Variants in MEF2B observed in about 807,000 individuals in gnomAD.
The protein encoded by MEF2B is myocyte-specific enhancer factor 2B.
A neutral mutation model predicts 32.2 loss-of-function variants in MEF2B; 15 were observed. That is an observed-to-expected ratio of 0.47 (90% CI 0.31 to 0.72). MEF2B has a LOEUF of 0.72. Ranked by LOEUF, MEF2B falls within the 30% of genes least tolerant of loss-of-function variation. The probability of loss-of-function intolerance (pLI) is 0.05; values close to 1 mark genes in which losing one functional copy is unlikely to be tolerated. For synonymous variants in MEF2B, 205 were observed against 225.6 expected (o/e 0.91, Z 0.82); for missense variants, 441 against 511.5 (o/e 0.86, Z 1.33).
At chr19:19,158,210 C>T (rs1347946314) in intron 1 of MEF2B, among the ~76,000 whole-genome samples, 1 of 151,590 alleles carries the variant, frequency 6.6e-6, no homozygotes, top group Non-Finnish European at 1.5e-5. Flanking sequence ...GTCTCAGCCT[C>T]CTAAGTAGCT....
intron 1 of MEF2B, among the ~76,000 whole-genome samples, chr19:19,169,773 A>G (rs2146392108): frequency 6.6e-6 from 1 of 152,212 alleles, no homozygotes; most frequent in Admixed American, 6.5e-5. Flanking sequence ...GCTGTGACAA[A>G]CGAGTGTACA....
chr19:19,146,448 AC>A, intron 7 of MEF2B, 64 bp from the exon 8 acceptor site: 5 of 1,267,690 alleles, frequency 3.9e-6, no homozygotes, highest in Non-Finnish European at 5.3e-6. Context: ...AAACCTAACC[AC>A]CCCCAGTGAC....
At chr19:19,167,341 ACT>A (rs1452240039) in intron 1 of MEF2B, among the ~76,000 whole-genome samples, 1 of 124,666 alleles carries the variant, frequency 8.0e-6, no homozygotes, top group Non-Finnish European at 1.7e-5. Flanking sequence ...ACAGAGTGAG[ACT>A]CTGTCTCAAA....
At chr19:19,161,472 C>T (rs913765300) in intron 1 of MEF2B, among the ~76,000 whole-genome samples, 3 of 152,006 alleles carry the variant, frequency 2.0e-5, no homozygotes, top group Non-Finnish European at 4.4e-5. Flanking sequence ...ACGCCAAACC[C>T]CCCAACCCAC....
At chr19:19,167,334 G>C (rs540874232) in intron 1 of MEF2B, among the ~76,000 whole-genome samples, 48 of 137,978 alleles carry the variant, frequency 3.5e-4, no homozygotes, top group Non-Finnish European at 6.6e-4. Flanking sequence ...CTGGGCAACA[G>C]AGTGAGACTC....
chr19:19,161,142 T>C (rs1475959466), intron 1 of MEF2B, among the ~76,000 whole-genome samples: 1 of 152,024 alleles, frequency 6.6e-6, no homozygotes, highest in Non-Finnish European at 1.5e-5. Flanking sequence ...AGTAAGGTGC[T>C]TTACAGATGC....
intron 1 of MEF2B, among the ~76,000 whole-genome samples, chr19:19,163,997 G>A (rs1043570561): frequency 6.6e-5 from 10 of 151,614 alleles, no homozygotes; most frequent in African/African-American, 2.4e-4. Flanking sequence ...GATGGGTTTC[G>A]CTCTTGTTGC....
chr19:19,149,487 G>C, intron 2 of MEF2B, 58 bp from the exon 3 acceptor site: 1 of 1,605,920 alleles, frequency 6.2e-7, no homozygotes, highest in Non-Finnish European at 8.5e-7. Flanking sequence ...ATGTGGGGTG[G>C]TGTAGGGGAA....
chr19:19,153,313 A>G (rs60450968), intron 1 of MEF2B, among the ~76,000 whole-genome samples: 24,443 of 152,028 alleles, frequency 0.16, 2,239 homozygotes, highest in East Asian at 0.34. Context: ...GCTGAGATAG[A>G]AAGTGAGTTC....
At chr19:19,165,758 G>C (rs962044303) in intron 1 of MEF2B, among the ~76,000 whole-genome samples, 1 of 152,176 alleles carries the variant, frequency 6.6e-6, no homozygotes, top group East Asian at 1.9e-4. Flanking sequence ...AGGGATGGTA[G>C]GGCTTGGACC....
chr19:19,149,999 C>T (rs28672836), intron 2 of MEF2B, among the ~76,000 whole-genome samples: 20,321 of 146,968 alleles, frequency 0.14, 1,539 homozygotes, highest in South Asian at 0.23. Flanking sequence ...GCAGGAGAAT[C>T]ACTTGAACCC....
At chr19:19,169,137 G>C (rs2060233085) in intron 1 of MEF2B, among the ~76,000 whole-genome samples, 1 of 151,654 alleles carries the variant, frequency 6.6e-6, no homozygotes, top group South Asian at 2.1e-4. Context: ...TGAATCATTT[G>C]AGGTCTGGAG....
At chr19:19,149,843 C>T (rs749206920) in intron 2 of MEF2B, among the ~76,000 whole-genome samples, 8 of 151,882 alleles carry the variant, frequency 5.3e-5, no homozygotes, top group African/African-American at 7.3e-5. Flanking sequence ...CTTTGGGAGG[C>T]CCAGGCAGGA....
chr19:19,145,939 C>G lies in MEF2B; in HGVS notation c.965G>C (p.Arg322Pro), dbSNP rs1568544157. Residue 322 changes from arginine to proline, a missense_variant, in exon 9 of 9, where the codon CGC (arginine) becomes CCC (proline). Coordinates refer to ENST00000424583, the MANE Select transcript of MEF2B (RefSeq NM_001145785.2). The surrounding 1 kb of genome is among the most constrained non-coding windows in gnomAD (Gnocchi z 4.6). ...PTPPVSIKSE[R>P]LSPAPGGPGD... ...GGGGCCCCCGGGGGCCGGAGAGAGG[C>G]GCTCAGACTTGATGCTGACTGGGGG... 6.9e-7 allele frequency: 1 copy of G among 1,440,652 alleles called. No individual in the cohort carries two copies. The highest frequency in any genetic ancestry group is 9.1e-7 in the Non-Finnish European group (1 of 1,097,338). The allele number at this position is 1,440,652 out of a possible 1,614,324, so 89.2% of individuals were successfully genotyped here.
At chr19:19,159,378 G>A (rs2060143137) in intron 1 of MEF2B, among the ~76,000 whole-genome samples, 1 of 151,834 alleles carries the variant, frequency 6.6e-6, no homozygotes, top group Non-Finnish European at 1.5e-5. Flanking sequence ...CTATGAGTGG[G>A]CCACTGCACT....
In MEF2B at chr19:19,146,589, C is replaced by A. The variant is rs1448246164; in HGVS notation, c.735G>T (p.Leu245=). 5 of 1,600,974 alleles carry A rather than the reference C, an allele frequency of 3.1e-6. No homozygotes were observed. The highest frequency in any genetic ancestry group is 1.8e-5 in the Admixed American group (1 of 56,454). ...PCSTATPGPP[L]GSFPFLPGGP... ...CTCCGGGGAGGAAGGGGAAGCTCCC[C>A]AGTGGGGGTCCGGGAGTTGCAGTGG... The change falls in exon 7 of 9, where the codon CTG becomes CTT. Residue 245 remains leucine (L), a synonymous_variant. Coordinates refer to ENST00000424583, the MANE Select transcript of MEF2B (RefSeq NM_001145785.2).
chr19:19,170,234 C>T lies in MEF2B; in HGVS notation c.-59G>A, dbSNP rs1189923645. On this transcript the variant is annotated 5_prime_UTR_variant, in exon 1 of 9. Transcript: ENST00000424583. ...TCGGCCTGGGCCCTGGGACGCTGGG[C>T]GCACGGACCCGCGGCGGCTGCACGA... The T allele has an allele frequency of 1.0e-5, 4 of 398,400 alleles. No individual in the cohort carries two copies. The East Asian group carries it at 1.1e-4, about 11-fold the overall frequency. The allele number at this position is 398,400 out of a possible 1,614,324, so 24.7% of individuals were successfully genotyped here. A position where few individuals can be genotyped will look rare whatever the true frequency, so the allele number is the denominator to read the frequency against.
chr19:19,159,552 T>A (rs1174009373), intron 1 of MEF2B, among the ~76,000 whole-genome samples: 1 of 152,120 alleles, frequency 6.6e-6, no homozygotes, highest in Non-Finnish European at 1.5e-5. Context: ...GGGTGGCACC[T>A]GGGCAGAAGT....
chr19:19,147,133 C>T lies in MEF2B; in HGVS notation c.444G>A (p.Pro148=), dbSNP rs755456384. Residue 148 remains proline (P), a synonymous_variant, in exon 5 of 9, where the codon CCG becomes CCA. Coordinates refer to ENST00000424583, the MANE Select transcript of MEF2B (RefSeq NM_001145785.2). ...GCCCACTGGGGTCACAGCCTGGTGG[C>T]GGTAAGGCCCCGTATACCACATCTG... is the stretch of plus-strand genomic sequence containing the variant. ...PSPDVVYGAL[P]PPGCDPSGLG... The T allele has an allele frequency of 2.9e-5, 47 of 1,599,654 alleles. No homozygotes were observed. Among genetic ancestry groups the T allele is most frequent in the East Asian group, 2.0e-4 (9 of 44,444 alleles).
Sources: gnomAD v4.1 joint callset for allele counts (sites outside exome capture counted in the v4.1 genomes callset) on GRCh38, gnomAD v4.1.1 for gene constraint, Gnocchi (gnomAD v3.1) non-coding constraint, MANE v1.5 for transcripts, NCBI Gene and HGNC (gene_info 2026-07-23, HGNC 2026-07-21) for gene names.